Variants in TRPS1 observed in about 807,000 individuals in gnomAD.
TRPS1 encodes zinc finger transcription factor Trps1.
A neutral mutation model predicts 101.2 loss-of-function variants in TRPS1; 6 were observed. That is an observed-to-expected ratio of 0.06 (90% confidence interval 0.03 to 0.12). TRPS1 has a LOEUF of 0.12. Ranked by LOEUF, TRPS1 falls within the 10% of genes least tolerant of loss-of-function variation. The pLI is 1.00. For missense variants in TRPS1, 1,363 were observed against 1,567.0 expected (o/e 0.87, Z 2.20); for synonymous variants, 578 against 589.8 (o/e 0.98, Z 0.29).
intron 5 of TRPS1, among the ~76,000 whole-genome samples, chr8:115,477,233 T>C (rs764585755): frequency 8.5e-5 from 13 of 152,182 alleles, no homozygotes; most frequent in Non-Finnish European, 1.8e-4. Flanking sequence ...GGAAGAATAA[T>C]ACATTTATAA....
intron 5 of TRPS1, among the ~76,000 whole-genome samples, chr8:115,556,057 C>A (rs1156762314): frequency 6.6e-6 from 1 of 151,870 alleles, no homozygotes; most frequent in Non-Finnish European, 1.5e-5. Flanking sequence ...AAAGAACTTT[C>A]AAGACTAAGA....
intron 5 of TRPS1, among the ~76,000 whole-genome samples, chr8:115,470,793 G>A (rs1048642530): frequency 1.3e-5 from 2 of 152,026 alleles, no homozygotes; most frequent in African/African-American, 4.8e-5. Flanking sequence ...CACAAGACAT[G>A]AAAAAAACAT....
At chr8:115,625,185 T>C (rs1235403441) in intron 1 of TRPS1, among the ~76,000 whole-genome samples, 1 of 151,932 alleles carries the variant, frequency 6.6e-6, no homozygotes. Flanking sequence ...TTCTTTGTAG[T>C]ATCTTGACCC....
intron 5 of TRPS1, among the ~76,000 whole-genome samples, chr8:115,575,819 C>A (rs962517567): frequency 7.2e-5 from 11 of 152,138 alleles, no homozygotes; most frequent in African/African-American, 2.7e-4. Flanking sequence ...CTGAATTATT[C>A]ACATCCATTA....
chr8:115,662,794 C>T (rs893516510), intron 1 of TRPS1, among the ~76,000 whole-genome samples: 5 of 151,700 alleles, frequency 3.3e-5, no homozygotes, highest in African/African-American at 1.2e-4. Flanking sequence ...TAGAAACGCA[C>T]TGACCCTTAA....
intron 5 of TRPS1, among the ~76,000 whole-genome samples, chr8:115,533,436 G>GTTTTTTATTTTTTTTTT (rs1816188062): frequency 2.9e-5 from 1 of 34,984 alleles, no homozygotes; most frequent in African/African-American, 1.0e-4. Context: ...CATGTAATCT[G>GTTTTTTATTTTTTTTTT]TTTTTTTTTT....
intron 5 of TRPS1, among the ~76,000 whole-genome samples, chr8:115,563,335 C>G (rs1460965374): frequency 6.6e-6 from 1 of 151,986 alleles, no homozygotes; most frequent in Admixed American, 6.6e-5. Context: ...TGTAACCAAC[C>G]TGGTCCAGCA....
chr8:115,572,393 T>G (rs1008717342), intron 5 of TRPS1, among the ~76,000 whole-genome samples: 2 of 152,192 alleles, frequency 1.3e-5, no homozygotes, highest in South Asian at 2.1e-4. Context: ...AACACTGTCT[T>G]GATAGATTAA....
intron 6 of TRPS1, among the ~76,000 whole-genome samples, chr8:115,416,544 CATAA>C (rs766923038): frequency 1.4e-4 from 20 of 147,104 alleles, no homozygotes; most frequent in Non-Finnish European, 1.8e-4. Context: ...TAAATATAAA[CATAA>C]ATATTCATAA....
At chr8:115,478,153 T>C (rs1346458369) in intron 5 of TRPS1, among the ~76,000 whole-genome samples, 4 of 152,214 alleles carry the variant, frequency 2.6e-5, no homozygotes, top group Admixed American at 1.3e-4. Flanking sequence ...CCTCAAAAGA[T>C]ACAGCAATTT....
At chr8:115,427,303 A>G (rs1813210405) in intron 5 of TRPS1, among the ~76,000 whole-genome samples, 1 of 152,128 alleles carries the variant, frequency 6.6e-6, no homozygotes, top group Non-Finnish European at 1.5e-5. Context: ...AAAATTAATT[A>G]AATAAAAAAG....
At chr8:115,501,422 G>A (rs909756127) in intron 5 of TRPS1, among the ~76,000 whole-genome samples, 3 of 152,124 alleles carry the variant, frequency 2.0e-5, no homozygotes, top group African/African-American at 7.2e-5. Context: ...ATCTACAAAC[G>A]AGTGTTAACT....
chr8:115,555,868 C>CAAA lies in TRPS1; in HGVS notation c.2700+31130_2700+31132dup, dbSNP rs11352416. ...AAATACAAACAAACAAACAAACAAA[C>CAAA]AAAAAAAAAAGCCAGGCATGGTGGC... On this transcript the variant is annotated intron_variant, in intron 5 of 6. Transcript: ENST00000395715. Among the ~76,000 whole-genome samples, 796 of 148,930 alleles carry CAAA rather than the reference C, an allele frequency of 5.3e-3. 9 individuals carry two copies. Among genetic ancestry groups the CAAA allele is most frequent in the African/African-American group, 0.019 (758 of 40,566 alleles).
chr8:115,526,195 G>A (rs1815993603), intron 5 of TRPS1, among the ~76,000 whole-genome samples: 1 of 152,096 alleles, frequency 6.6e-6, no homozygotes, highest in African/African-American at 2.4e-5. Flanking sequence ...TGTAATCCCA[G>A]CTACTCGAGA....
intron 5 of TRPS1, among the ~76,000 whole-genome samples, chr8:115,454,760 C>T (rs1813973636): frequency 6.6e-6 from 1 of 152,046 alleles, no homozygotes; most frequent in Non-Finnish European, 1.5e-5. Flanking sequence ...TTAAAAGATC[C>T]TGCTTTCCAA....
At chr8:115,453,891 G>C (rs893404641) in intron 5 of TRPS1, among the ~76,000 whole-genome samples, 1 of 152,212 alleles carries the variant, frequency 6.6e-6, no homozygotes, top group Non-Finnish European at 1.5e-5. Context: ...CTTTGGATGA[G>C]AGAAAACTTT....
At chr8:115,460,302 A>C (rs78468296) in intron 5 of TRPS1, among the ~76,000 whole-genome samples, 3,517 of 152,028 alleles carry the variant, frequency 0.023, 127 homozygotes, top group African/African-American at 0.08. Flanking sequence ...TACCCAGTAC[A>C]TCAAGTCACA....
rs536936144 is a variant in TRPS1 at position 115,568,271 on chromosome 8, T to C, written c.2700+18730A>G. Among the ~76,000 whole-genome samples, 4 of 152,300 alleles carry C rather than the reference T, an allele frequency of 2.6e-5. No homozygotes were observed. The East Asian group carries it at 7.7e-4, about 29-fold the overall frequency. On this transcript the variant is annotated intron_variant, in intron 5 of 6. Coordinates refer to ENST00000395715, the MANE Select transcript of TRPS1 (RefSeq NM_014112.5). ...TTTATAAAGGTTAAGTTGAATAGTA[T>C]ATACATGCACATATATGCAAATATA...
intron 5 of TRPS1, among the ~76,000 whole-genome samples, chr8:115,490,242 T>C (rs1814987520): frequency 6.6e-6 from 1 of 152,138 alleles, no homozygotes; most frequent in South Asian, 2.1e-4. Flanking sequence ...GAAATGGTAG[T>C]AAGCAAGAAA....
Sources: gnomAD v4.1 joint callset for allele counts (sites outside exome capture counted in the v4.1 genomes callset) on GRCh38, gnomAD v4.1.1 for gene constraint, MANE v1.5 for transcripts, NCBI Gene and HGNC (gene_info 2026-07-23, HGNC 2026-07-21) for gene names.